ATP9A: variants seen among roughly 807,000 people sequenced by gnomAD.
ATP9A encodes the protein probable phospholipid-transporting ATPase IIA.
Under a neutral mutation model 144.1 loss-of-function variants are expected in ATP9A, and 52 were observed. The observed-to-expected ratio is 0.36, with a 90% confidence interval of 0.29 to 0.45. The LOEUF is 0.45. Among genes scored for constraint, ATP9A ranks in the 20% least tolerant of loss-of-function variants. The pLI is 1.00. For missense variants in ATP9A, 947 were observed against 1,392.7 expected (o/e 0.68, Z 5.09); for synonymous variants, 582 against 557.4 (o/e 1.04, Z -0.62).
intron 4 of ATP9A, among the ~76,000 whole-genome samples, chr20:51,698,356 C>T (rs1484490372): frequency 6.6e-6 from 1 of 152,206 alleles, no homozygotes; most frequent in Non-Finnish European, 1.5e-5. Context: ...AACCCTGTCT[C>T]TACCAAAAAC....
intron 13 of ATP9A, among the ~76,000 whole-genome samples, chr20:51,665,436 T>C (rs2077428736): frequency 1.3e-5 from 2 of 152,196 alleles, no homozygotes; most frequent in African/African-American, 4.8e-5. Flanking sequence ...TACTAGTAAA[T>C]TGCCAGGCGT....
intron 15 of ATP9A, among the ~76,000 whole-genome samples, chr20:51,630,806 A>G (rs2077266899): frequency 1.3e-5 from 2 of 152,302 alleles, no homozygotes; most frequent in South Asian, 4.1e-4. Context: ...CGTCCTTCAC[A>G]TAAGAACATG....
chr20:51,747,534 T>G (rs556714812), intron 1 of ATP9A, among the ~76,000 whole-genome samples: 1 of 152,248 alleles, frequency 6.6e-6, no homozygotes, highest in African/African-American at 2.4e-5. Context: ...AAGAAACATG[T>G]AATTTATTAT....
intron 1 of ATP9A, among the ~76,000 whole-genome samples, chr20:51,746,954 C>T (rs2077811101): frequency 1.1e-5 from 1 of 93,338 alleles, no homozygotes; most frequent in Admixed American, 1.1e-4. Flanking sequence ...TGCAGTGAGC[C>T]GAGGTAGTGC....
chr20:51,639,307 C>A (rs750748184), intron 15 of ATP9A, 36 bp downstream of exon 15: 16 of 1,578,798 alleles, frequency 1.0e-5, no homozygotes, highest in Non-Finnish European at 1.3e-5. Flanking sequence ...ACCTGGGGTA[C>A]TTAAGCACTT....
chr20:51,761,716 C>T lies in ATP9A; in HGVS notation c.68+6586G>A, dbSNP rs542131293. On this transcript the variant is annotated intron_variant, in intron 1 of 27. Transcript: ENST00000338821. ...CGGAGCTTGCAGTGAGCCAAGGTTG[C>T]GCCACTGCACTCCAGCCTGGGCGAC... is the stretch of plus-strand genomic sequence containing the variant. Among the ~76,000 whole-genome samples the T allele has an allele frequency of 1.2e-4, 18 of 151,488 alleles. No individual in the cohort carries two copies. In the East Asian group the frequency reaches 3.3e-3, roughly 28 times the overall value.
intron 1 of ATP9A, among the ~76,000 whole-genome samples, chr20:51,766,215 T>C (rs2077903082): frequency 6.6e-6 from 1 of 152,246 alleles, no homozygotes; most frequent in Admixed American, 6.5e-5. Context: ...TTAAAATATA[T>C]AGATAGAAAC....
chr20:51,684,933 C>T (rs2077516097), intron 9 of ATP9A, among the ~76,000 whole-genome samples: 1 of 150,864 alleles, frequency 6.6e-6, no homozygotes, highest in South Asian at 2.1e-4. Context: ...ATGGCATGAA[C>T]CCAGGAGGCG....
chr20:51,763,991 C>A (rs2077893430), intron 1 of ATP9A, among the ~76,000 whole-genome samples: 1 of 152,186 alleles, frequency 6.6e-6, no homozygotes. Context: ...AAAGGCCCCT[C>A]CTCTCAAAGA....
intron 3 of ATP9A, among the ~76,000 whole-genome samples, chr20:51,718,545 C>T (rs1222482084): frequency 1.3e-5 from 2 of 151,544 alleles, no homozygotes; most frequent in East Asian, 3.9e-4. Flanking sequence ...TGGCTTGAGT[C>T]GAGCGCTCAC....
Position 51,697,414 on chromosome 20 carries a change from T to G in ATP9A, c.495+10A>C. Reference sequence around the variant, plus strand: ...TGGTATCCACACACAAGCTTCCAGATTCTGCTCACCTTTTCAACGATGATA... The same window carrying G: ...TGGTATCCACACACAAGCTTCCAGAGTCTGCTCACCTTTTCAACGATGATA... On this transcript the variant is annotated intron_variant, in intron 5 of 27. Coordinates refer to ENST00000338821, the MANE Select transcript of ATP9A (RefSeq NM_006045.3). 6.2e-7 allele frequency: 1 copy of G among 1,612,506 alleles called. No homozygotes were observed. Among genetic ancestry groups the G allele is most frequent in the Non-Finnish European group, 8.5e-7 (1 of 1,179,244 alleles).
chr20:51,620,845 C>A (rs1187734312), intron 19 of ATP9A, among the ~76,000 whole-genome samples: 1 of 151,992 alleles, frequency 6.6e-6, no homozygotes, highest in East Asian at 1.9e-4. Context: ...TCTCAGGCAG[C>A]TAAAATTTTA....
At chr20:51,618,371 T>G (rs970679613) in intron 21 of ATP9A, among the ~76,000 whole-genome samples, 8 of 151,950 alleles carry the variant, frequency 5.3e-5, no homozygotes, top group Non-Finnish European at 8.8e-5. Flanking sequence ...GTGGAAAGAT[T>G]TGAACCCAGA....
chr20:51,674,311 G>T lies in ATP9A; in HGVS notation c.879C>A (p.Ile293=). The T allele has an allele frequency of 6.2e-7, 1 of 1,612,836 alleles. No individual in the cohort carries two copies. The highest frequency in any genetic ancestry group is 8.5e-7 in the Non-Finnish European group (1 of 1,179,838). The change falls in exon 11 of 28, where the codon ATC becomes ATA. Residue 293 remains isoleucine (I), a splice_region_variant and synonymous_variant. Coordinates refer to ENST00000338821, the MANE Select transcript of ATP9A (RefSeq NM_006045.3). The part of the protein sequence containing the change: ...VMNTSNPRSK[I]GLFDLEVNCL... ...AGTTCACTTCCAAGTCGAACAGGCC[G>T]ATCTGTGGGACGAAGCACAAACCAG... is the stretch of plus-strand genomic sequence containing the variant.
intron 1 of ATP9A, among the ~76,000 whole-genome samples, chr20:51,763,823 G>T (rs59762781): frequency 6.6e-6 from 1 of 151,932 alleles, no homozygotes; most frequent in Non-Finnish European, 1.5e-5. Flanking sequence ...GTTACAATGA[G>T]GCAAAGTCTT....
chr20:51,731,427 A>G (rs188290324), intron 1 of ATP9A, among the ~76,000 whole-genome samples: 158 of 152,084 alleles, frequency 1.0e-3, no homozygotes, highest in Non-Finnish European at 1.6e-3. Context: ...CAGATAAGAG[A>G]GAAGCTTGGG....
intron 25 of ATP9A, among the ~76,000 whole-genome samples, 157 bp downstream of exon 25, chr20:51,608,361 C>T (rs909338566): frequency 2.6e-5 from 4 of 152,094 alleles, no homozygotes; most frequent in Admixed American, 2.0e-4. Flanking sequence ...CCCACACCTT[C>T]CCCCCAAAAG....
intron 17 of ATP9A, 104 bp downstream of exon 17, chr20:51,627,494 CAG>C: frequency 9.6e-7 from 1 of 1,042,126 alleles, no homozygotes; most frequent in Admixed American, 1.8e-5. Context: ...CCAGTGTGCC[CAG>C]AAATGACATC....
At chr20:51,708,301 A>T (rs2077623106) in intron 4 of ATP9A, among the ~76,000 whole-genome samples, 1 of 152,044 alleles carries the variant, frequency 6.6e-6, no homozygotes, top group Admixed American at 6.5e-5. Flanking sequence ...ATTTAAAAAA[A>T]AAAAAAATGA....
Sources: gnomAD v4.1 joint callset for allele counts (sites outside exome capture counted in the v4.1 genomes callset) on GRCh38, gnomAD v4.1.1 for gene constraint, MANE v1.5 for transcripts, NCBI Gene and HGNC (gene_info 2026-07-23, HGNC 2026-07-21) for gene names.